The following RBPMS variants were observed in gnomAD, a reference collection of about 807,000 sequenced individuals.
RBPMS encodes the protein RNA binding protein, mRNA processing factor, also known as RNA-binding protein with multiple splicing.
In RBPMS, 7 loss-of-function variants were observed where a neutral mutation model predicts 26.8. The ratio of observed to expected loss-of-function variants is 0.26; its 90% confidence interval spans 0.15 to 0.49. The LOEUF (loss-of-function observed/expected upper bound fraction) is 0.49. Ranked by LOEUF, RBPMS falls within the 20% of genes least tolerant of loss-of-function variation. The probability of loss-of-function intolerance (pLI) is 0.98; values close to 1 mark genes in which losing one functional copy is unlikely to be tolerated. For synonymous variants in RBPMS, 96 were observed against 93.3 expected, an observed-to-expected ratio of 1.03 and a Z score of -0.17; for missense variants, 186 against 250.0, an observed-to-expected ratio of 0.74 and a Z score of 1.73.
intron 1 of RBPMS, among the ~76,000 whole-genome samples, chr8:30,411,620 G>A (rs547913254): frequency 2.9e-5 from 4 of 139,160 alleles, no homozygotes; most frequent in South Asian, 2.2e-4. Flanking sequence ...AGCCGTGATT[G>A]CACCACTGCA....
intron 1 of RBPMS, among the ~76,000 whole-genome samples, chr8:30,462,852 G>A (rs999081117): frequency 1.3e-5 from 2 of 152,154 alleles, no homozygotes; most frequent in Non-Finnish European, 1.5e-5. Context: ...TGCATGAGGA[G>A]CATGATGGTG....
At chr8:30,541,503 A>G (rs1825386924) in intron 5 of RBPMS, among the ~76,000 whole-genome samples, 1 of 152,170 alleles carries the variant, frequency 6.6e-6, no homozygotes, top group South Asian at 2.1e-4. Flanking sequence ...ATGGGAAAGG[A>G]TTTGCCCTGC....
chr8:30,506,572 T>TGTGTTGGG (rs1821090063), intron 5 of RBPMS, among the ~76,000 whole-genome samples: 1 of 152,082 alleles, frequency 6.6e-6, no homozygotes, highest in Admixed American at 6.6e-5. Flanking sequence ...CTAAGAACAC[T>TGTGTTGGG]GTGTTGGGTC....
chr8:30,511,480 AAAAAAAATATATATATATATATAT>A (rs1279044314), intron 5 of RBPMS, among the ~76,000 whole-genome samples: 572 of 16,528 alleles, frequency 0.035, 19 homozygotes, highest in Middle Eastern at 0.045. Context: ...AGAAAAAAAA[AAAAAAAATATATATATATATATAT>A]ATATATATAT....
At chr8:30,528,032 G>A (rs1039150643) in intron 5 of RBPMS, among the ~76,000 whole-genome samples, 4 of 152,100 alleles carry the variant, frequency 2.6e-5, no homozygotes, top group East Asian at 3.9e-4. Context: ...AAAATTAGCC[G>A]GGCGTGGTGG....
chr8:30,388,948 C>A (rs183328657), intron 1 of RBPMS, among the ~76,000 whole-genome samples: 3 of 152,160 alleles, frequency 2.0e-5, no homozygotes, highest in Admixed American at 6.5e-5. Flanking sequence ...GAGGTTAATA[C>A]AAACCTTTAC....
intron 4 of RBPMS, among the ~76,000 whole-genome samples, chr8:30,484,760 G>C (rs1389952538): frequency 6.6e-6 from 1 of 152,152 alleles, no homozygotes; most frequent in Admixed American, 6.5e-5. Context: ...AAAAACAGCT[G>C]ATATGATCAG....
At chr8:30,433,694 G>C (rs1432589565) in intron 1 of RBPMS, among the ~76,000 whole-genome samples, 11 of 152,068 alleles carry the variant, frequency 7.2e-5, no homozygotes, top group African/African-American at 2.7e-4. Context: ...AAGAAAAAGA[G>C]GGTGAATTCT....
chr8:30,545,961 T>C (rs979039043), intron 6 of RBPMS, among the ~76,000 whole-genome samples: 2 of 152,196 alleles, frequency 1.3e-5, no homozygotes, highest in African/African-American at 4.8e-5. Flanking sequence ...TACCTGTGCC[T>C]TTGGCTTCTC....
chr8:30,560,451 C>T (rs1163436138), intron 7 of RBPMS, among the ~76,000 whole-genome samples: 1 of 152,180 alleles, frequency 6.6e-6, no homozygotes, highest in African/African-American at 2.4e-5. Flanking sequence ...CCTGGCCATT[C>T]ACAGCTCTTT....
intron 5 of RBPMS, 114 bp downstream of exon 5, chr8:30,504,550 G>A: frequency 9.2e-7 from 1 of 1,081,526 alleles, no homozygotes; most frequent in South Asian, 1.9e-5. Flanking sequence ...TTCCATTTCT[G>A]TGAAGAGGTT....
chr8:30,494,821 C>T (rs748778955), intron 4 of RBPMS, among the ~76,000 whole-genome samples: 2 of 152,144 alleles, frequency 1.3e-5, no homozygotes, highest in Admixed American at 6.5e-5. Context: ...CTTCTAGGTT[C>T]GGGGGCAGAC....
chr8:30,508,967 T>C (rs1204774233), intron 5 of RBPMS, among the ~76,000 whole-genome samples: 1 of 152,202 alleles, frequency 6.6e-6, no homozygotes, highest in African/African-American at 2.4e-5. Flanking sequence ...GATTCAGTTT[T>C]TATGAAGCAG....
chr8:30,497,564 G>A (rs1055025388), intron 4 of RBPMS, among the ~76,000 whole-genome samples: 1 of 152,022 alleles, frequency 6.6e-6, no homozygotes, highest in African/African-American at 2.4e-5. Context: ...TAAACCGGTA[G>A]AAGACTTTTA....
chr8:30,553,330 G>A (rs572143729), intron 6 of RBPMS: 1 of 152,300 alleles, frequency 6.6e-6, no homozygotes, highest in South Asian at 2.1e-4. Context: ...TGGAGGTGAG[G>A]GTTGCTGTTT....
At chr8:30,474,711 A>G in intron 1 of RBPMS, 68 bp from the exon 2 acceptor site, 1 of 842,892 alleles carries the variant, frequency 1.2e-6, no homozygotes, top group Non-Finnish European at 2.0e-6. Context: ...TGTTTCTGAG[A>G]TATCAGGTGA....
At chr8:30,556,822 C>T (rs1363295899) in intron 6 of RBPMS, 7 of 972,834 alleles carry the variant, frequency 7.2e-6, no homozygotes, top group Non-Finnish European at 7.3e-6. Context: ...CTTCTCCCCA[C>T]CTCTGCCCTC....
At chr8:30,519,047 G>A (rs1465673842) in intron 5 of RBPMS, among the ~76,000 whole-genome samples, 4 of 152,060 alleles carry the variant, frequency 2.6e-5, no homozygotes, top group South Asian at 4.1e-4. Context: ...GCTAATGAAC[G>A]TTTCCCTGTT....
intron 6 of RBPMS, chr8:30,558,504 C>T: frequency 3.0e-6 from 1 of 335,286 alleles, no homozygotes; most frequent in Non-Finnish European, 5.8e-6. Context: ...GCTATGTTTC[C>T]ACACTCTGCT....
Sources: gnomAD v4.1 joint callset for allele counts (sites outside exome capture counted in the v4.1 genomes callset) on GRCh38, gnomAD v4.1.1 for gene constraint, MANE v1.5 for transcripts, NCBI Gene and HGNC (gene_info 2026-07-23, HGNC 2026-07-21) for gene names.